The following PDCD5 variants were observed in gnomAD, a reference collection of about 807,000 sequenced individuals.
The protein encoded by PDCD5 is programmed cell death protein 5.
In PDCD5, 23 loss-of-function variants were observed where a neutral mutation model predicts 21.9. That is an observed-to-expected ratio of 1.05 (90% CI 0.76 to 1.49). The LOEUF (loss-of-function observed/expected upper bound fraction) is 1.49. Ranked by LOEUF, PDCD5 falls within the 40% of genes most tolerant of loss-of-function variation. The pLI, the probability that PDCD5 is intolerant of heterozygous loss-of-function variation, is 0.00. For missense variants in PDCD5, 152 were observed against 147.7 expected, an observed-to-expected ratio of 1.03 and a Z score of -0.15; for synonymous variants, 45 against 49.4, an observed-to-expected ratio of 0.91 and a Z score of 0.37.
chr19:32,584,810 T>C (rs1475925814), intron 2 of PDCD5, 140 bp from the exon 3 acceptor site: 2 of 709,386 alleles, frequency 2.8e-6, no homozygotes, highest in African/African-American at 3.5e-5. Context: ...TGCAGCCTTA[T>C]GTACAGCAAC....
intron 1 of PDCD5, 54 bp downstream of exon 1, chr19:32,581,381 C>G (rs1971423394): frequency 1.5e-6 from 2 of 1,305,990 alleles, no homozygotes; most frequent in Admixed American, 2.7e-5. Flanking sequence ...CGCCCTCGCC[C>G]GGAGTGTAGG....
At position 32,585,012 on chromosome 19, in the gene PDCD5, G is replaced by C. The variant is rs1971463042; in HGVS notation, c.166+1G>C. ...CTGGATCAGTCGGCCCGGGCCAGGT[G>C]TAAGCATCTTTGATTTCATTTCCAT... On this transcript the variant is annotated splice_donor_variant, in intron 3 of 5. Coordinates refer to ENST00000590247, the MANE Select transcript of PDCD5 (RefSeq NM_004708.4). LOFTEE classifies it high-confidence loss of function. The C allele has an allele frequency of 6.2e-7, 1 of 1,611,764 alleles. No homozygotes were observed. The highest frequency in any genetic ancestry group is 8.5e-7 in the Non-Finnish European group (1 of 1,177,810).
At position 32,582,228 on chromosome 19, in the gene PDCD5, C is replaced by A; in HGVS notation, c.100C>A (p.His34Asn). Residue 34 changes from histidine (H) to asparagine (N), a missense_variant, in exon 2 of 6, where the codon CAC (histidine) becomes AAC (asparagine). His to Asn is a moderately conservative substitution (Grantham distance 68). Coordinates refer to ENST00000590247, the MANE Select transcript of PDCD5 (RefSeq NM_004708.4). ...TGATGCGGCCCAACAGGAAGCAAAG[C>A]ACAGGTATGGGCTGGAAACGTGAAC... The part of the protein sequence containing the change: ...PGDAAQQEAK[H>N]REAEMRNSIL... The A allele has an allele frequency of 1.2e-6, 2 of 1,612,454 alleles. No homozygotes were observed. The highest frequency in any genetic ancestry group is 1.7e-6 in the Non-Finnish European group (2 of 1,178,748).
At chr19:32,585,184 AAAG>A (rs1284674566) in intron 3 of PDCD5, among the ~76,000 whole-genome samples, 173 bp downstream of exon 3, 3 of 152,178 alleles carry the variant, frequency 2.0e-5, no homozygotes, top group Admixed American at 2.0e-4. Context: ...ATCCCTAGTA[AAAG>A]TACCAGGTCA....
At chr19:32,583,553 A>G (rs1971449439) in intron 2 of PDCD5, among the ~76,000 whole-genome samples, 1 of 151,094 alleles carries the variant, frequency 6.6e-6, no homozygotes, top group South Asian at 2.1e-4. Flanking sequence ...GAGAAACCCC[A>G]GTTTTGAATG....
chr19:32,581,204 C>T lies in PDCD5; in HGVS notation c.-58C>T, dbSNP rs770255407. On this transcript the variant is annotated 5_prime_UTR_variant, in exon 1 of 6. Coordinates refer to ENST00000590247, the MANE Select transcript of PDCD5 (RefSeq NM_004708.4). ...AGCGCCTGCGCAGTGGTCAAGGCCGCGCTCGCGCCGAGGGGCTGCGAGAGT... is the reference window on the plus strand; with the variant it reads ...AGCGCCTGCGCAGTGGTCAAGGCCGTGCTCGCGCCGAGGGGCTGCGAGAGT... 5.3e-6 allele frequency: 7 copies of T among 1,312,454 alleles called. No individual in the cohort carries two copies. Among genetic ancestry groups the T allele is most frequent in the Non-Finnish European group, 6.1e-6 (6 of 985,416 alleles). The allele number at this position is 1,312,454 out of a possible 1,614,324, so 81.3% of individuals were successfully genotyped here. A position where few individuals can be genotyped will look rare whatever the true frequency, so the allele number is the denominator to read the frequency against.
rs772392540 is a variant in PDCD5, at chr19:32,581,247, C to T, written c.-15C>T. 7 of 1,493,942 alleles carry T rather than the reference C, an allele frequency of 4.7e-6. No individual in the cohort carries two copies. The highest frequency in any genetic ancestry group is 1.3e-5 in the South Asian group (1 of 79,498). 92.5% of individuals were successfully genotyped at this position (1,493,942 alleles called of 1,614,324 possible). A position where few individuals can be genotyped will look rare whatever the true frequency, so the allele number is the denominator to read the frequency against. ...GCGAGAGTGACCGCGGCTGCTCCAG[C>T]GCTGACGCCGAGCCATGGCGGACGA... On this transcript the variant is annotated 5_prime_UTR_variant, in exon 1 of 6. Coordinates refer to ENST00000590247, the MANE Select transcript of PDCD5 (RefSeq NM_004708.4).
intron 4 of PDCD5, chr19:32,586,166 A>G (rs571969238): frequency 2.9e-5 from 43 of 1,463,900 alleles, no homozygotes; most frequent in Admixed American, 7.3e-5. Flanking sequence ...GCTAGCTTCA[A>G]TTGCCCCTGC....
chr19:32,587,406 A>G lies in PDCD5; in HGVS notation c.*106A>G. 1.4e-6 allele frequency: 1 copy of G among 694,978 alleles called. No individual in the cohort carries two copies. Among genetic ancestry groups the G allele is most frequent in the Non-Finnish European group, 2.3e-6 (1 of 427,236 alleles). The allele number at this position is 694,978 out of a possible 1,614,324, so 43.1% of individuals were successfully genotyped here. A position where few individuals can be genotyped will look rare whatever the true frequency, so the allele number is the denominator to read the frequency against. ...GTCTATATGCCTTTTAAAAAAATAA[A>G]CTTGTTATGCAAAATAAAACATTTG... On this transcript the variant is annotated 3_prime_UTR_variant, in exon 6 of 6. Transcript: ENST00000590247.
intron 4 of PDCD5, chr19:32,586,150 G>A (rs1971474321): frequency 1.4e-6 from 2 of 1,473,598 alleles, no homozygotes; most frequent in African/African-American, 2.8e-5. Flanking sequence ...ATGACTGTTA[G>A]GGTCAGCTAG....
At chr19:32,583,624 G>A (rs1185529494) in intron 2 of PDCD5, among the ~76,000 whole-genome samples, 1 of 151,850 alleles carries the variant, frequency 6.6e-6, no homozygotes, top group Non-Finnish European at 1.5e-5. Context: ...GTAAAACTAT[G>A]GTGTATCTTA....
rs548196920 is a variant in PDCD5 at position 32,581,226 on chromosome 19, G to A, written c.-36G>A. 561 of 1,454,514 alleles carry A rather than the reference G, an allele frequency of 3.9e-4. No homozygotes were observed. Among genetic ancestry groups the A allele is most frequent in the South Asian group, 2.9e-3 (218 of 75,824 alleles). 90.1% of individuals were successfully genotyped at this position (1,454,514 alleles called of 1,614,324 possible). On this transcript the variant is annotated 5_prime_UTR_variant, in exon 1 of 6. Coordinates refer to ENST00000590247, the MANE Select transcript of PDCD5 (RefSeq NM_004708.4). ...CCGCGCTCGCGCCGAGGGGCTGCGA[G>A]AGTGACCGCGGCTGCTCCAGCGCTG...
intron 2 of PDCD5, among the ~76,000 whole-genome samples, chr19:32,583,857 A>C (rs1386326629): frequency 6.6e-6 from 1 of 151,960 alleles, no homozygotes; most frequent in Non-Finnish European, 1.5e-5. Flanking sequence ...GTTGAGATGA[A>C]GTCTCACTCC....
intron 5 of PDCD5, 40 bp from the exon 6 acceptor site, chr19:32,587,213 T>G (rs1184485259): frequency 7.0e-7 from 1 of 1,427,108 alleles, no homozygotes; most frequent in Non-Finnish European, 9.8e-7. Context: ...AGTTATGCTT[T>G]ATTAGAAATG....
chr19:32,585,528 G>A (rs1347993710), intron 3 of PDCD5, among the ~76,000 whole-genome samples: 4 of 152,156 alleles, frequency 2.6e-5, no homozygotes, highest in Non-Finnish European at 4.4e-5. Context: ...TAGATAAACC[G>A]CTTTCCAGAG....
At chr19:32,585,475 G>A (rs937176374) in intron 3 of PDCD5, among the ~76,000 whole-genome samples, 1 of 152,220 alleles carries the variant, frequency 6.6e-6, no homozygotes, top group Admixed American at 6.5e-5. Context: ...CAGTTTGAGT[G>A]TAGAAAAGGC....
chr19:32,586,345 C>G, intron 4 of PDCD5: 2 of 1,266,174 alleles, frequency 1.6e-6, no homozygotes, highest in Non-Finnish European at 2.0e-6. Context: ...TCAAGACGAA[C>G]CCCACCTGCC....
chr19:32,582,261 A>G, intron 2 of PDCD5, 29 bp downstream of exon 2: 1 of 1,591,028 alleles, frequency 6.3e-7, no homozygotes. Flanking sequence ...AACTTTTTGA[A>G]GGGTGGTTTC....
intron 4 of PDCD5, 110 bp downstream of exon 4, chr19:32,586,017 G>A: frequency 6.2e-7 from 1 of 1,604,620 alleles, no homozygotes; most frequent in Non-Finnish European, 8.5e-7. Flanking sequence ...CTGACTCTCA[G>A]AAGAAATTGT....
Sources: allele counts gnomAD v4.1 joint callset (sites outside exome capture counted in the v4.1 genomes callset), GRCh38; gene constraint gnomAD v4.1.1; transcripts MANE v1.5; gene names NCBI Gene and HGNC (gene_info 2026-07-23, HGNC 2026-07-21).